The following RAG2 variants were observed in gnomAD, a reference collection of about 807,000 sequenced individuals.
The protein encoded by RAG2 is V(D)J recombination-activating protein 2.
A neutral mutation model predicts 31.8 loss-of-function variants in RAG2; 16 were observed. The observed-to-expected ratio is 0.50, with a 90% CI of 0.34 to 0.76. RAG2 has a LOEUF of 0.76. RAG2 is among the 30% of genes least tolerant of loss of function. The pLI, the probability that RAG2 is intolerant of heterozygous loss-of-function variation, is 0.01. For synonymous variants in RAG2, 199 were observed against 215.9 expected (o/e 0.92, Z 0.68); for missense variants, 622 against 628.5 (o/e 0.99, Z 0.11).
At position 36,593,669 on chromosome 11, in the gene RAG2, C is replaced by T; in HGVS notation, c.500G>A (p.Arg167Lys). 2.5e-6 allele frequency: 4 copies of T among 1,614,164 alleles called. No homozygotes were observed. Among genetic ancestry groups the T allele is most frequent in the Non-Finnish European group, 3.4e-6 (4 of 1,180,026 alleles). The stretch of plus-strand genomic sequence containing the variant: ...TACACTATTCCATTTTTCTGTGGTT[C>T]TGTGGGTAGAAGGCATGTATGAGCG... The part of the protein sequence containing the change: ...GGRSYMPSTH[R>K]TTEKWNSVAD... Residue 167 changes from arginine to lysine, a missense_variant, in exon 2 of 2, where the codon AGA becomes AAA. Physicochemically the swap from Arg to Lys is conservative, Grantham distance 26 (BLOSUM62 2). Coordinates refer to ENST00000311485, the MANE Select transcript of RAG2 (RefSeq NM_000536.4).
At position 36,592,559 on chromosome 11, in the gene RAG2, C is replaced by T; in HGVS notation, c.*26G>A. The T allele has an allele frequency of 6.2e-7, 1 of 1,611,416 alleles. No individual in the cohort carries two copies. Among genetic ancestry groups the T allele is most frequent in the Non-Finnish European group, 8.5e-7 (1 of 1,177,886 alleles). On this transcript the variant is annotated 3_prime_UTR_variant, in exon 2 of 2. Transcript: ENST00000311485. Reference sequence around the variant, plus strand: ...AAAATAGATTCAAAAATTCCATACACCTGAATCTGAAAGGCTTTTGCAAAA... The same window carrying T: ...AAAATAGATTCAAAAATTCCATACATCTGAATCTGAAAGGCTTTTGCAAAA...
rs1344739956 is a variant in RAG2 at position 36,593,110 on chromosome 11, A to G, written c.1059T>C (p.Asp353=). ...ATGTTGTCTGCTCTTCATTAGTATC[A>G]TCTTCAGCACATTTCAACATATAGA... ...FYFYMLKCAE[D]DTNEEQTTFT... is the part of the protein sequence containing the mutation. Residue 353 remains aspartate (D), a synonymous_variant, in exon 2 of 2, where the codon GAT becomes GAC. Coordinates refer to ENST00000311485, the MANE Select transcript of RAG2 (RefSeq NM_000536.4). 3 of 1,614,130 alleles carry G rather than the reference A, an allele frequency of 1.9e-6. No homozygotes were observed. Among genetic ancestry groups the G allele is most frequent in the Non-Finnish European group, 1.7e-6 (2 of 1,179,984 alleles).
intron 1 of RAG2, among the ~76,000 whole-genome samples, chr11:36,595,554 G>A (rs1337111111): frequency 3.3e-5 from 5 of 152,348 alleles, no homozygotes; most frequent in African/African-American, 1.2e-4. Flanking sequence ...TGTGGACTCT[G>A]AATGCTTACT....
intron 1 of RAG2, chr11:36,597,617 T>C (rs569771757): frequency 2.0e-5 from 3 of 152,330 alleles, no homozygotes; most frequent in South Asian, 4.2e-4. Flanking sequence ...GTTCCTAATA[T>C]CTGAACTGAC....
At chr11:36,597,933 G>A (rs921131540) in intron 1 of RAG2, among the ~76,000 whole-genome samples, 169 bp downstream of exon 1, 2 of 152,068 alleles carry the variant, frequency 1.3e-5, no homozygotes, top group African/African-American at 2.4e-5. Context: ...AGCAGCCAGA[G>A]AACAGAAAGC....
In RAG2 at chr11:36,593,093, T is replaced by C. The variant is rs765055291; in HGVS notation, c.1076A>G (p.Gln359Arg). The change falls in exon 2 of 2, where the codon CAG (glutamine) becomes CGG (arginine). Residue 359 changes from glutamine (Q) to arginine (R), a missense_variant. Transcript: ENST00000311485. ...TGTTTGACTGTTTGTGAATGTTGTC[T>C]GCTCTTCATTAGTATCATCTTCAGC... ...KCAEDDTNEE[Q>R]TTFTNSQTST... 15 of 1,614,130 alleles carry C rather than the reference T, an allele frequency of 9.3e-6. No individual in the cohort carries two copies. The South Asian group carries it at 1.6e-4, about 18-fold the overall frequency.
Position 36,592,920 on chromosome 11 carries a change from T to G in RAG2, c.1249A>C (p.Ile417Leu). Residue 417 changes from isoleucine to leucine, a missense_variant, in exon 2 of 2, where the codon ATT (isoleucine) becomes CTT (leucine). Coordinates refer to ENST00000311485, the MANE Select transcript of RAG2 (RefSeq NM_000536.4). ...ACATCACAAGTAGGGCAGCATGTAA[T>G]CCAGTAGCCTGTCTCAGACTCATCT... ...EEDESETGYWITCCPTCDVDI... is the reference protein window; with the variant it reads ...EEDESETGYWLTCCPTCDVDI... The G allele has an allele frequency of 6.2e-7, 1 of 1,614,210 alleles. No individual in the cohort carries two copies. The highest frequency in any genetic ancestry group is 8.5e-7 in the Non-Finnish European group (1 of 1,180,044).
Position 36,594,073 on chromosome 11 carries a change from T to C in RAG2, c.96A>G (p.Gly32=). The C allele has an allele frequency of 6.2e-7, 1 of 1,614,070 alleles. No homozygotes were observed. Among genetic ancestry groups the C allele is most frequent in the Non-Finnish European group, 8.5e-7 (1 of 1,179,992 alleles). Residue 32 remains glycine, a synonymous_variant, in exon 2 of 2, where the codon GGA becomes GGG. Transcript: ENST00000311485. ...AGGATCTTTTGGGCCAGCCTTTTTG[T>C]CCAAAGAAGAAAACTTGTCCATCAA... is the stretch of plus-strand genomic sequence containing the variant. ...MNFDGQVFFF[G]QKGWPKRSCP...
Position 36,593,811 on chromosome 11 carries a change from C to T in RAG2, c.358G>A (p.Val120Ile). 1 of 1,614,130 alleles carries T rather than the reference C, an allele frequency of 6.2e-7. No homozygotes were observed. Among genetic ancestry groups the T allele is most frequent in the Non-Finnish European group, 8.5e-7 (1 of 1,179,996 alleles). ...TCTTTCTCTGTGCAGCGAAAAGTAA[C>T]CTTTTTGTTGTTCTTGCAAACAATA... ...MSIVCKNNKK[V>I]TFRCTEKDLV... is the part of the protein sequence containing the mutation. Residue 120 changes from valine to isoleucine, a missense_variant, in exon 2 of 2, where the codon GTT (valine) becomes ATT (isoleucine). Coordinates refer to ENST00000311485, the MANE Select transcript of RAG2 (RefSeq NM_000536.4).
chr11:36,593,843 A>T lies in RAG2; in HGVS notation c.326T>A (p.Val109Asp), dbSNP rs201258007. 1.6e-5 allele frequency: 26 copies of T among 1,614,248 alleles called. No individual in the cohort carries two copies. Among genetic ancestry groups the T allele is most frequent in the Admixed American group, 3.3e-5 (2 of 60,026 alleles). Residue 109 changes from valine (V) to aspartate (D), a missense_variant, in exon 2 of 2, where the codon GTC becomes GAC. Coordinates refer to ENST00000311485, the MANE Select transcript of RAG2 (RefSeq NM_000536.4). ...GTTGTTCTTGCAAACAATAGACATG[A>T]CATAAATCTTATCTGAAACCTCATT... ...PNNEVSDKIY[V>D]MSIVCKNNKK...
In RAG2 at chr11:36,592,208, T is replaced by C. The variant is rs3740956; in HGVS notation, c.*377A>G. On this transcript the variant is annotated 3_prime_UTR_variant, in exon 2 of 2. Transcript: ENST00000311485. ...ATTCTTTTGGGTGTTAATTTCTTTA[T>C]TGGCTAAATTTGTCATAAACACTTT... 8.6e-5 allele frequency: 19 copies of C among 219,982 alleles called. No homozygotes were observed. The East Asian group carries it at 1.6e-3, about 19-fold the overall frequency. The allele number at this position is 219,982 out of a possible 1,614,324, so 13.6% of individuals were successfully genotyped here.
chr11:36,593,352 T>C lies in RAG2; in HGVS notation c.817A>G (p.Ile273Val). The change falls in exon 2 of 2, where the codon ATT becomes GTT. Residue 273 changes from isoleucine to valine, a missense_variant. Ile to Val is a conservative substitution (Grantham distance 29). Transcript: ENST00000311485. ...TTTTCAAGCTGATAGCCACCAACAA[T>C]AACAAATTCATCATTGTTAGTTTGA... Reference protein sequence around the residue: ...LTQTNNDEFVIVGGYQLENQK... With the variant: ...LTQTNNDEFVVVGGYQLENQK... 6.2e-7 allele frequency: 1 copy of C among 1,614,134 alleles called. No individual in the cohort carries two copies. The highest frequency in any genetic ancestry group is 1.6e-4 in the Middle Eastern group (1 of 6,062).
intron 1 of RAG2, chr11:36,594,531 G>C: frequency 3.5e-6 from 1 of 282,626 alleles, no homozygotes; most frequent in Non-Finnish European, 6.7e-6. Context: ...TTGGAAATCT[G>C]TCTTTGTTGC....
rs957246394 is a variant in RAG2, at chr11:36,593,141, A to C, written c.1028T>G (p.Phe343Cys). 1 of 1,614,144 alleles carries C rather than the reference A, an allele frequency of 6.2e-7. No individual in the cohort carries two copies. The highest frequency in any genetic ancestry group is 1.1e-5 in the South Asian group (1 of 91,078). ...AGCACATTTCAACATATAGAAATAG[A>C]ATCCTTCTGAAACAACTTGTTTATT... ...GDNKQVVSEG[F>C]YFYMLKCAED... The change falls in exon 2 of 2, where the codon TTC becomes TGC. Residue 343 changes from phenylalanine (F) to cysteine (C), a missense_variant. Coordinates refer to ENST00000311485, the MANE Select transcript of RAG2 (RefSeq NM_000536.4).
rs1306846740 is a variant in RAG2 at position 36,592,317 on chromosome 11, T to C, written c.*268A>G. ...ACTGCTTCTGGGTGTTTAAGGTTTG[T>C]TGAATAAAAAATCAGATCAGAAATC... On this transcript the variant is annotated 3_prime_UTR_variant, in exon 2 of 2. Transcript: ENST00000311485. 1 of 450,518 alleles carries C rather than the reference T, an allele frequency of 2.2e-6. No homozygotes were observed. Among genetic ancestry groups the C allele is most frequent in the Non-Finnish European group, 4.0e-6 (1 of 252,276 alleles). 27.9% of individuals were successfully genotyped at this position (450,518 alleles called of 1,614,324 possible). A position where few individuals can be genotyped will look rare whatever the true frequency, so the allele number is the denominator to read the frequency against.
Position 36,592,619 on chromosome 11 carries a change from G to A in RAG2, c.1550C>T (p.Ala517Val). Residue 517 changes from alanine (A) to valine (V), a missense_variant, in exon 2 of 2, where the codon GCC (alanine) becomes GTC (valine). Coordinates refer to ENST00000311485, the MANE Select transcript of RAG2 (RefSeq NM_000536.4). ...CAACCTTCTAAGAAAGGATTTCTTG[G>A]CAGGAGTCAAGATTTTTCCAGAACC... ...KKGSGKILTP[A>V]KKSFLRRLFD The A allele has an allele frequency of 1.2e-6, 2 of 1,614,044 alleles. No homozygotes were observed. Among genetic ancestry groups the A allele is most frequent in the Non-Finnish European group, 1.7e-6 (2 of 1,179,942 alleles).
rs1851044971 is a variant in RAG2, at chr11:36,592,697, GGAGT to G, written c.1468_1471del (p.Thr490ProfsTer7). The G allele has an allele frequency of 6.2e-7, 1 of 1,613,942 alleles. No homozygotes were observed. Among genetic ancestry groups the G allele is most frequent in the African/African-American group, 1.3e-5 (1 of 74,866 alleles). ...CTTTTTTAAGGGTAGGACTCTTTGG[GGAGT>G]GTGTAGAGCTCTTGCTATCTCCACA... On this transcript the variant is annotated frameshift_variant, in exon 2 of 2. Coordinates refer to ENST00000311485, the MANE Select transcript of RAG2 (RefSeq NM_000536.4). LOFTEE classifies it high-confidence loss of function.
At position 36,593,989 on chromosome 11, in the gene RAG2, T is replaced by C. The variant is rs1345213365; in HGVS notation, c.180A>G (p.Thr60=). The change falls in exon 2 of 2, where the codon ACA becomes ACG. Residue 60 remains threonine (T), a synonymous_variant. Transcript: ENST00000311485. The stretch of plus-strand genomic sequence containing the variant: ...GGTAGCAGGAATCCTTAGAGAAAAT[T>C]GTAGGCTTCAGTTTGACATGGTTAT... ...VKHNHVKLKP[T]IFSKDSCYLP... 1.2e-6 allele frequency: 2 copies of C among 1,614,138 alleles called. No individual in the cohort carries two copies. Among genetic ancestry groups the C allele is most frequent in the Non-Finnish European group, 1.7e-6 (2 of 1,180,014 alleles).
Position 36,592,363 on chromosome 11 carries a change from TA to T in RAG2, c.*221del. 1.7e-6 allele frequency: 1 copy of T among 587,970 alleles called. No homozygotes were observed. Among genetic ancestry groups the T allele is most frequent in the Non-Finnish European group, 2.9e-6 (1 of 348,140 alleles). The allele number at this position is 587,970 out of a possible 1,614,324, so 36.4% of individuals were successfully genotyped here. Reference sequence around the variant, plus strand: ...AAATCCTCAGTGAAGAATAAATTAGTAAATTGAGTATTTGGGTAAAATATTT... The same window carrying T: ...AAATCCTCAGTGAAGAATAAATTAGTAATTGAGTATTTGGGTAAAATATTT... On this transcript the variant is annotated 3_prime_UTR_variant, in exon 2 of 2. Transcript: ENST00000311485.
Sources: gnomAD v4.1 joint callset for allele counts (sites outside exome capture counted in the v4.1 genomes callset) on GRCh38, gnomAD v4.1.1 for gene constraint, MANE v1.5 for transcripts, NCBI Gene and HGNC (gene_info 2026-07-23, HGNC 2026-07-21) for gene names.